PPM1E: variants seen among roughly 807,000 people sequenced by gnomAD.
The protein encoded by PPM1E is protein phosphatase, Mg2+/Mn2+ dependent 1E.
PPM1E carries 20 observed loss-of-function variants against 65.9 expected under a neutral mutation model. The ratio of observed to expected loss-of-function variants is 0.30; its 90% CI spans 0.21 to 0.44. PPM1E has a LOEUF of 0.44. Among genes scored for constraint, PPM1E ranks in the 20% least tolerant of loss-of-function variants. PPM1E has a pLI of 1.00. For missense variants in PPM1E, 713 were observed against 953.1 expected, an observed-to-expected ratio of 0.75 and a Z score of 3.32; for synonymous variants, 352 against 374.9, an observed-to-expected ratio of 0.94 and a Z score of 0.70.
chr17:58,852,893 C>T (rs992792629), intron 1 of PPM1E, among the ~76,000 whole-genome samples: 21 of 152,052 alleles, frequency 1.4e-4, no homozygotes, highest in Admixed American at 1.0e-3. Context: ...TGAGCCACCA[C>T]GCCTGGTCTA....
intron 1 of PPM1E, among the ~76,000 whole-genome samples, chr17:58,954,061 A>G (rs2052280108): frequency 6.6e-6 from 1 of 152,172 alleles, no homozygotes; most frequent in Admixed American, 6.5e-5. Flanking sequence ...CCATCTTAAC[A>G]TGTTAAAATG....
chr17:58,855,717 T>A (rs2050875328), intron 1 of PPM1E, among the ~76,000 whole-genome samples: 1 of 152,226 alleles, frequency 6.6e-6, no homozygotes, highest in Admixed American at 6.5e-5. Context: ...GAAATTTCAA[T>A]TATAGATGAA....
At chr17:58,773,475 C>A (rs1021842804) in intron 1 of PPM1E, among the ~76,000 whole-genome samples, 4 of 152,102 alleles carry the variant, frequency 2.6e-5, no homozygotes, top group African/African-American at 9.7e-5. Context: ...AGAAGAATTT[C>A]CCTGAGGTCA....
At chr17:58,756,597 C>A in intron 1 of PPM1E, 136 bp downstream of exon 1, 1 of 1,082,524 alleles carries the variant, frequency 9.2e-7, no homozygotes, top group Non-Finnish European at 1.2e-6. Flanking sequence ...CCGCTGAAAG[C>A]GCCCCCGCTG....
intron 1 of PPM1E, among the ~76,000 whole-genome samples, chr17:58,851,916 G>A (rs952424434): frequency 2.7e-4 from 41 of 152,328 alleles, no homozygotes; most frequent in Admixed American, 1.0e-3. Flanking sequence ...CTTCGGCTGC[G>A]GTGGGCTCCA....
chr17:58,935,036 A>G (rs1285084034), intron 1 of PPM1E, among the ~76,000 whole-genome samples: 1 of 152,004 alleles, frequency 6.6e-6, no homozygotes, highest in African/African-American at 2.4e-5. Context: ...GCAGATCACA[A>G]GGTCAGGAGT....
At chr17:58,898,602 G>C (rs1332099692) in intron 1 of PPM1E, among the ~76,000 whole-genome samples, 1 of 152,008 alleles carries the variant, frequency 6.6e-6, no homozygotes, top group African/African-American at 2.4e-5. Flanking sequence ...ACAGTGTGAC[G>C]ATTCCTCAAG....
chr17:58,891,586 G>T (rs996860241), intron 1 of PPM1E, among the ~76,000 whole-genome samples: 1 of 152,034 alleles, frequency 6.6e-6, no homozygotes, highest in Non-Finnish European at 1.5e-5. Context: ...ACTGCCCAAA[G>T]TGTTGGGATT....
chr17:58,963,729 AT>A (rs2030120560), intron 2 of PPM1E, among the ~76,000 whole-genome samples: 1 of 151,976 alleles, frequency 6.6e-6, no homozygotes, highest in African/African-American at 2.4e-5. Flanking sequence ...AAAATAAAAA[AT>A]AAATAAAAAT....
chr17:58,798,594 A>G (rs534423460), intron 1 of PPM1E, among the ~76,000 whole-genome samples: 1 of 144,070 alleles, frequency 6.9e-6, no homozygotes, highest in Admixed American at 7.1e-5. Flanking sequence ...TTTGATGAAT[A>G]TCTATTTTTT....
Position 58,860,666 on chromosome 17 carries a change from G to A in PPM1E, c.465-94983G>A, listed in dbSNP as rs938498855. 6.6e-5 allele frequency among the ~76,000 whole-genome samples: 10 copies of A among 152,184 alleles called. No homozygotes were observed. The East Asian group carries it at 7.7e-4, about 12-fold the overall frequency. On this transcript the variant is annotated intron_variant, in intron 1 of 6. Coordinates refer to ENST00000308249, the MANE Select transcript of PPM1E (RefSeq NM_014906.5). ...AAAGCTAACATACTCGCTTTAGGCC[G>A]GGTGCGCTGGCTCATGCCTGTAATC...
At chr17:58,841,681 G>A (rs12938827) in intron 1 of PPM1E, among the ~76,000 whole-genome samples, 37,562 of 150,802 alleles carry the variant, frequency 0.25, 5,411 homozygotes, top group Middle Eastern at 0.42. Flanking sequence ...GCACACCACC[G>A]TGACCAGCTA....
At chr17:58,887,521 T>C (rs761812080) in intron 1 of PPM1E, among the ~76,000 whole-genome samples, 8 of 152,324 alleles carry the variant, frequency 5.3e-5, no homozygotes, top group Non-Finnish European at 1.2e-4. Flanking sequence ...ATGAATGATA[T>C]GGCTATCTGG....
chr17:58,879,509 T>C (rs1481687200), intron 1 of PPM1E, among the ~76,000 whole-genome samples: 1 of 135,794 alleles, frequency 7.4e-6, no homozygotes, highest in Non-Finnish European at 1.6e-5. Context: ...AACTTTTTTT[T>C]TTTTTTTTTT....
Position 58,974,616 on chromosome 17 carries a change from T to C in PPM1E, c.1210+1691T>C, listed in dbSNP as rs558154623. Among the ~76,000 whole-genome samples the C allele has an allele frequency of 2.0e-5, 3 of 152,336 alleles. 1 individual carries two copies. The South Asian group carries it at 6.2e-4, about 32-fold the overall frequency. On this transcript the variant is annotated intron_variant, in intron 6 of 6. Coordinates refer to ENST00000308249, the MANE Select transcript of PPM1E (RefSeq NM_014906.5). ...TTAAAAAAGAATAAATCAATATGTA[T>C]ATCTATATGGGTGATATGTACATTA... is the stretch of plus-strand genomic sequence containing the variant.
chr17:58,806,868 T>TTG (rs2050320856), intron 1 of PPM1E, among the ~76,000 whole-genome samples: 3 of 52,960 alleles, frequency 5.7e-5, no homozygotes, highest in Admixed American at 1.5e-4. Context: ...CCCTGCTGTG[T>TTG]TTTTTTTTTT....
At chr17:58,797,436 C>T (rs2050217161) in intron 1 of PPM1E, among the ~76,000 whole-genome samples, 1 of 152,162 alleles carries the variant, frequency 6.6e-6, no homozygotes, top group Non-Finnish European at 1.5e-5. Context: ...TTAATTTTGC[C>T]TATTCTAGAA....
intron 1 of PPM1E, among the ~76,000 whole-genome samples, chr17:58,832,391 C>T (rs2050614418): frequency 1.3e-5 from 2 of 151,992 alleles, no homozygotes; most frequent in South Asian, 4.1e-4. Context: ...CCTAGCACTC[C>T]TGGTATGTTC....
intron 1 of PPM1E, among the ~76,000 whole-genome samples, chr17:58,827,112 G>A (rs143532844): frequency 4.2e-4 from 62 of 148,558 alleles, no homozygotes; most frequent in Non-Finnish European, 7.9e-4. Flanking sequence ...ATAAAAGCCT[G>A]CATTCAGCTT....
Sources: allele counts gnomAD v4.1 joint callset (sites outside exome capture counted in the v4.1 genomes callset), GRCh38; gene constraint gnomAD v4.1.1; transcripts MANE v1.5; gene names NCBI Gene and HGNC (gene_info 2026-07-23, HGNC 2026-07-21).